NTM: variants seen among roughly 807,000 people sequenced by gnomAD.
NTM encodes IgLON family member 2.
In NTM, 13 loss-of-function variants were observed where a neutral mutation model predicts 42.1. That is an observed-to-expected ratio of 0.31 (90% CI 0.20 to 0.49). The LOEUF is 0.49. NTM is among the 20% of genes least tolerant of loss of function. NTM has a pLI of 0.99. For missense variants in NTM, 373 were observed against 452.8 expected (o/e 0.82, Z 1.60); for synonymous variants, 187 against 179.2 (o/e 1.04, Z -0.35).
At chr11:132,280,273 T>G (rs1424923522) in intron 4 of NTM, among the ~76,000 whole-genome samples, 2 of 152,130 alleles carry the variant, frequency 1.3e-5, no homozygotes, top group Non-Finnish European at 2.9e-5. Context: ...TGGATTTATC[T>G]TGAAGGCTGT....
intron 1 of NTM, among the ~76,000 whole-genome samples, chr11:131,851,361 T>C (rs1230071658): frequency 6.6e-6 from 1 of 152,146 alleles, no homozygotes; most frequent in Non-Finnish European, 1.5e-5. Context: ...AGTCATTAAA[T>C]GATTCCCTGC....
At chr11:132,286,710 G>A (rs1407990035) in intron 4 of NTM, among the ~76,000 whole-genome samples, 1 of 152,194 alleles carries the variant, frequency 6.6e-6, no homozygotes, top group East Asian at 1.9e-4. Context: ...CTGGCCCCCT[G>A]TGGGGAGGGG....
chr11:131,691,688 C>G (rs2074760186), intron 1 of NTM, among the ~76,000 whole-genome samples: 1 of 152,204 alleles, frequency 6.6e-6, no homozygotes, highest in East Asian at 1.9e-4. Flanking sequence ...ACCCCGCGCT[C>G]CCGCTCGGCC....
chr11:131,456,370 G>A (rs1450799272), intron 1 of NTM, among the ~76,000 whole-genome samples: 2 of 152,172 alleles, frequency 1.3e-5, no homozygotes, highest in African/African-American at 4.8e-5. Flanking sequence ...TTCTGTTTTG[G>A]TTGAGTATGA....
chr11:131,696,200 T>C (rs544611233), intron 1 of NTM, among the ~76,000 whole-genome samples: 1 of 152,136 alleles, frequency 6.6e-6, no homozygotes, highest in South Asian at 2.1e-4. Flanking sequence ...TGTGGGGTGA[T>C]GTTGGGTGTT....
At chr11:132,243,083 A>G (rs996958992) in intron 4 of NTM, among the ~76,000 whole-genome samples, 25 of 152,336 alleles carry the variant, frequency 1.6e-4, no homozygotes, top group African/African-American at 6.0e-4. Flanking sequence ...TGAGTACTCA[A>G]CATCCAGGTC....
At chr11:132,191,524 C>T (rs1428609360) in intron 3 of NTM, among the ~76,000 whole-genome samples, 1 of 152,156 alleles carries the variant, frequency 6.6e-6, no homozygotes, top group Non-Finnish European at 1.5e-5. Context: ...AACAAAAAGC[C>T]CTATCCAAAG....
chr11:131,641,645 T>C (rs933881065), intron 1 of NTM, among the ~76,000 whole-genome samples: 4 of 152,186 alleles, frequency 2.6e-5, no homozygotes, highest in Non-Finnish European at 4.4e-5. Flanking sequence ...AAAGACTAGA[T>C]AATTGGCAGT....
At chr11:131,532,393 G>A (rs377309022) in intron 1 of NTM, among the ~76,000 whole-genome samples, 58 of 152,222 alleles carry the variant, frequency 3.8e-4, no homozygotes, top group African/African-American at 1.2e-3. Context: ...AGCGGGTATC[G>A]GAACTCTACT....
chr11:131,957,405 A>C (rs1565822593), intron 2 of NTM, among the ~76,000 whole-genome samples: 1 of 151,772 alleles, frequency 6.6e-6, no homozygotes, highest in Non-Finnish European at 1.5e-5. Flanking sequence ...TTCCCCTCCA[A>C]CTCCCTCCTG....
At chr11:131,936,356 AG>A (rs2134155072) in intron 2 of NTM, among the ~76,000 whole-genome samples, 2 of 152,304 alleles carry the variant, frequency 1.3e-5, no homozygotes, top group South Asian at 2.1e-4. Context: ...CTAAATTTTG[AG>A]AGCCTTCTGT....
chr11:131,617,614 G>T (rs1225013771), intron 1 of NTM, among the ~76,000 whole-genome samples: 1 of 152,136 alleles, frequency 6.6e-6, no homozygotes, highest in African/African-American at 2.4e-5. Flanking sequence ...ATTTAAAGGA[G>T]ATTCTGGTGG....
chr11:131,642,294 C>T (rs1396951975), intron 1 of NTM, among the ~76,000 whole-genome samples: 1 of 152,086 alleles, frequency 6.6e-6, no homozygotes, highest in Non-Finnish European at 1.5e-5. Flanking sequence ...CATTAGAGAG[C>T]CAAAGCAGTG....
At chr11:132,261,407 C>T (rs35090432) in intron 4 of NTM, among the ~76,000 whole-genome samples, 5,602 of 152,246 alleles carry the variant, frequency 0.037, 147 homozygotes, top group Non-Finnish European at 0.055. Context: ...GGGGCACAGA[C>T]GCACGGCTCA....
intron 1 of NTM, among the ~76,000 whole-genome samples, chr11:131,744,274 A>T (rs1423812288): frequency 6.6e-6 from 1 of 152,234 alleles, no homozygotes; most frequent in Non-Finnish European, 1.5e-5. Flanking sequence ...GCAATTTAAC[A>T]TCTAAAGGGA....
intron 1 of NTM, among the ~76,000 whole-genome samples, chr11:131,702,105 C>T (rs2076135910): frequency 6.6e-6 from 1 of 152,120 alleles, no homozygotes; most frequent in South Asian, 2.1e-4. Flanking sequence ...GCTTTGTCTT[C>T]TTTCCTCTCT....
intron 1 of NTM, among the ~76,000 whole-genome samples, chr11:131,577,151 A>G (rs2058012669): frequency 6.6e-6 from 1 of 152,198 alleles, no homozygotes; most frequent in African/African-American, 2.4e-5. Flanking sequence ...TCATTGGTAA[A>G]CAGGAATAAT....
intron 2 of NTM, among the ~76,000 whole-genome samples, chr11:131,922,813 A>G (rs2057414098): frequency 6.6e-6 from 1 of 152,182 alleles, no homozygotes; most frequent in Non-Finnish European, 1.5e-5. Context: ...TAAACTTAGA[A>G]TGAAATGCAA....
intron 1 of NTM, among the ~76,000 whole-genome samples, chr11:131,539,888 T>G (rs1199263044): frequency 4.6e-5 from 7 of 152,146 alleles, no homozygotes; most frequent in Non-Finnish European, 8.8e-5. Flanking sequence ...CTCATCTCCA[T>G]GGGAAAAACT....
Sources: gnomAD v4.1 joint callset for allele counts (sites outside exome capture counted in the v4.1 genomes callset) on GRCh38, gnomAD v4.1.1 for gene constraint, MANE v1.5 for transcripts, NCBI Gene and HGNC (gene_info 2026-07-23, HGNC 2026-07-21) for gene names.